VPS13B: variants seen among roughly 807,000 people sequenced by gnomAD.
The protein encoded by VPS13B is intermembrane lipid transfer protein VPS13B.
Under a neutral mutation model 426.4 loss-of-function variants are expected in VPS13B, and 285 were observed. The ratio of observed to expected loss-of-function variants is 0.67; its 90% CI spans 0.61 to 0.74. The LOEUF (loss-of-function observed/expected upper bound fraction) is 0.74, where lower values mean the gene tolerates loss of function less well. Among genes scored for constraint, VPS13B ranks in the 30% least tolerant of loss-of-function variants. VPS13B has a pLI of 0.00. For synonymous variants in VPS13B, 1,676 were observed against 1,676.4 expected (o/e 1.00, Z 0.01); for missense variants, 4,537 against 4,782.6 (o/e 0.95, Z 1.51).
At chr8:99,444,942 C>A (rs1817841064) in intron 23 of VPS13B, among the ~76,000 whole-genome samples, 2 of 152,046 alleles carry the variant, frequency 1.3e-5, no homozygotes, top group South Asian at 4.1e-4. Flanking sequence ...AGTCACCCTG[C>A]CCAACCTAAT....
chr8:99,328,101 G>C (rs1810374504), intron 19 of VPS13B, among the ~76,000 whole-genome samples: 1 of 152,160 alleles, frequency 6.6e-6, no homozygotes, highest in Non-Finnish European at 1.5e-5. Flanking sequence ...ACCATCTCAT[G>C]TCAGATCAGC....
At chr8:99,301,297 T>G (rs1341619175) in intron 19 of VPS13B, among the ~76,000 whole-genome samples, 1 of 150,732 alleles carries the variant, frequency 6.6e-6, no homozygotes, top group African/African-American at 2.5e-5. Flanking sequence ...TTTTCTTTCT[T>G]TCTTTTTTTT....
chr8:99,039,160 C>T (rs1035088727), intron 3 of VPS13B, among the ~76,000 whole-genome samples: 3 of 151,926 alleles, frequency 2.0e-5, no homozygotes, highest in South Asian at 2.1e-4. Flanking sequence ...TAATTGTGTC[C>T]GATTTTTACA....
chr8:99,695,770 C>G (rs889892099), intron 35 of VPS13B, among the ~76,000 whole-genome samples: 4 of 148,326 alleles, frequency 2.7e-5, no homozygotes, highest in Non-Finnish European at 6.0e-5. Flanking sequence ...AAGGAAGGAA[C>G]ACTTACAAGG....
chr8:99,299,178 C>T (rs1820217194), intron 19 of VPS13B, among the ~76,000 whole-genome samples: 2 of 150,270 alleles, frequency 1.3e-5, no homozygotes, highest in Non-Finnish European at 3.0e-5. Flanking sequence ...TCTCCTGCCT[C>T]AGCCTCCTGA....
At chr8:99,760,383 T>G (rs1234063223) in intron 39 of VPS13B, among the ~76,000 whole-genome samples, 7 of 152,160 alleles carry the variant, frequency 4.6e-5, no homozygotes, top group African/African-American at 1.7e-4. Flanking sequence ...GAAAATAAAG[T>G]CAAAAATCCT....
intron 19 of VPS13B, among the ~76,000 whole-genome samples, chr8:99,334,633 C>T (rs534223527): frequency 6.6e-6 from 1 of 151,876 alleles, no homozygotes; most frequent in African/African-American, 2.4e-5. Context: ...TGTCTTTGGT[C>T]CTGTTTATAT....
At chr8:99,072,318 C>G (rs561325898) in intron 3 of VPS13B, among the ~76,000 whole-genome samples, 2 of 152,250 alleles carry the variant, frequency 1.3e-5, no homozygotes, top group South Asian at 4.1e-4. Flanking sequence ...AAGACTGGTT[C>G]CTTCCCTTAA....
chr8:99,619,015 G>A (rs1203948268), intron 33 of VPS13B, among the ~76,000 whole-genome samples: 1 of 152,008 alleles, frequency 6.6e-6, no homozygotes, highest in Non-Finnish European at 1.5e-5. Context: ...TCATGGTGGT[G>A]TTATGGCTAT....
Position 99,641,786 on chromosome 8 carries a change from ATATTT to A in VPS13B, c.5221-20_5221-16del. ...ACACTTGGCATGTAACTAGTTTGAA[ATATTT>A]TATTACTTTTTTCTTACAGATCTCT... On this transcript the variant is annotated intron_variant, in intron 33 of 61. Transcript: ENST00000357162. The A allele has an allele frequency of 6.3e-7, 1 of 1,594,558 alleles. No individual in the cohort carries two copies. The highest frequency in any genetic ancestry group is 8.6e-7 in the Non-Finnish European group (1 of 1,167,618).
chr8:99,854,340 C>CT, intron 56 of VPS13B, 84 bp downstream of exon 56: 1 of 1,473,004 alleles, frequency 6.8e-7, no homozygotes, highest in Non-Finnish European at 9.2e-7. Context: ...ATTTCAAGAC[C>CT]TAAAGAAGCA....
chr8:99,124,980 A>G (rs1484617787), intron 8 of VPS13B, among the ~76,000 whole-genome samples: 1 of 152,152 alleles, frequency 6.6e-6, no homozygotes, highest in African/African-American at 2.4e-5. Context: ...CAGACACAAA[A>G]GGACAAATAT....
chr8:99,119,934 T>A (rs369486984), intron 7 of VPS13B, among the ~76,000 whole-genome samples: 76 of 151,956 alleles, frequency 5.0e-4, no homozygotes, highest in African/African-American at 1.8e-3. Flanking sequence ...TCACCCAGGC[T>A]GCAGTGCAGT....
chr8:99,189,240 C>T (rs768537591), intron 16 of VPS13B, among the ~76,000 whole-genome samples: 13 of 152,188 alleles, frequency 8.5e-5, no homozygotes, highest in Admixed American at 1.3e-4. Flanking sequence ...TGAGCCACCG[C>T]GCCCGGCCAA....
intron 3 of VPS13B, among the ~76,000 whole-genome samples, chr8:99,079,353 A>C (rs1044033019): frequency 2.0e-5 from 3 of 151,506 alleles, no homozygotes; most frequent in Non-Finnish European, 4.4e-5. Flanking sequence ...TCCAGATGAC[A>C]CCTGTGGCTG....
chr8:99,480,779 G>C (rs1014483987), intron 24 of VPS13B, among the ~76,000 whole-genome samples: 5 of 152,116 alleles, frequency 3.3e-5, no homozygotes, highest in African/African-American at 9.7e-5. Context: ...TTCATCATCT[G>C]GATGTGTCCT....
At chr8:99,268,247 G>C (rs1419796113) in intron 17 of VPS13B, among the ~76,000 whole-genome samples, 2 of 152,182 alleles carry the variant, frequency 1.3e-5, no homozygotes, top group Admixed American at 6.5e-5. Context: ...TGAGGCCAGA[G>C]CCCCCACACA....
At chr8:99,454,687 A>C (rs1818359945) in intron 23 of VPS13B, among the ~76,000 whole-genome samples, 1 of 152,116 alleles carries the variant, frequency 6.6e-6, no homozygotes, top group Non-Finnish European at 1.5e-5. Context: ...TATGGTAAAA[A>C]TGTTTAGTTC....
intron 19 of VPS13B, among the ~76,000 whole-genome samples, chr8:99,338,507 G>T (rs944492001): frequency 6.6e-6 from 1 of 152,004 alleles, no homozygotes; most frequent in African/African-American, 2.4e-5. Flanking sequence ...GAGAAAATAA[G>T]ATGTGACTTC....
Sources: gnomAD v4.1 joint callset for allele counts (sites outside exome capture counted in the v4.1 genomes callset) on GRCh38, gnomAD v4.1.1 for gene constraint, MANE v1.5 for transcripts, NCBI Gene and HGNC (gene_info 2026-07-23, HGNC 2026-07-21) for gene names.